PTPRD: variants seen among roughly 807,000 people sequenced by gnomAD.
PTPRD encodes the protein protein tyrosine phosphatase receptor type D.
A neutral mutation model predicts 214.5 loss-of-function variants in PTPRD; 34 were observed. The ratio of observed to expected loss-of-function variants is 0.16; its 90% confidence interval spans 0.12 to 0.21. The LOEUF is 0.21. Among genes scored for constraint, PTPRD ranks in the 10% least tolerant of loss-of-function variants. The probability of loss-of-function intolerance (pLI) is 1.00; values close to 1 mark genes in which losing one functional copy is unlikely to be tolerated. For missense variants in PTPRD, 2,545 were observed against 2,398.7 expected (o/e 1.06, Z -1.27); for synonymous variants, 1,128 against 845.7 (o/e 1.33, Z -5.79).
At chr9:9,082,610 T>C (rs1379062130) in intron 10 of PTPRD, among the ~76,000 whole-genome samples, 2 of 152,060 alleles carry the variant, frequency 1.3e-5, no homozygotes, top group Non-Finnish European at 2.9e-5. Context: ...GAAGTCAAAT[T>C]GTCTTTCTTT....
At chr9:9,069,418 G>A (rs1216374551) in intron 10 of PTPRD, among the ~76,000 whole-genome samples, 3 of 152,170 alleles carry the variant, frequency 2.0e-5, no homozygotes, top group Non-Finnish European at 4.4e-5. Flanking sequence ...GCTGGTTTGG[G>A]AAGAGAGAAA....
At chr9:9,992,257 A>G (rs1385785800) in intron 4 of PTPRD, among the ~76,000 whole-genome samples, 1 of 152,242 alleles carries the variant, frequency 6.6e-6, no homozygotes, top group African/African-American at 2.4e-5. Context: ...TTATATCTCA[A>G]TAAAGCTACT....
intron 3 of PTPRD, among the ~76,000 whole-genome samples, chr9:10,081,153 T>C (rs1232037309): frequency 1.3e-5 from 2 of 152,104 alleles, no homozygotes; most frequent in Non-Finnish European, 2.9e-5. Flanking sequence ...AGATAATTCT[T>C]TGAAATAAAT....
At chr9:8,668,515 G>C (rs1265212180) in intron 12 of PTPRD, among the ~76,000 whole-genome samples, 1 of 152,070 alleles carries the variant, frequency 6.6e-6, no homozygotes, top group African/African-American at 2.4e-5. Flanking sequence ...ATCTTACATA[G>C]AATAAGATAA....
At chr9:8,544,605 G>A (rs1405768371) in intron 14 of PTPRD, among the ~76,000 whole-genome samples, 1 of 151,416 alleles carries the variant, frequency 6.6e-6, no homozygotes, top group Non-Finnish European at 1.5e-5. Flanking sequence ...GAATAGCTGG[G>A]ATTACAGGCG....
intron 11 of PTPRD, among the ~76,000 whole-genome samples, chr9:8,801,171 A>G (rs1183633524): frequency 6.6e-6 from 1 of 152,192 alleles, no homozygotes; most frequent in Admixed American, 6.5e-5. Context: ...AACCTTCCAA[A>G]GGGTCACAAA....
intron 3 of PTPRD, among the ~76,000 whole-genome samples, chr9:10,296,116 T>C (rs945714874): frequency 4.6e-5 from 7 of 152,058 alleles, no homozygotes; most frequent in Admixed American, 4.6e-4. Context: ...ATAAAGATGA[T>C]TCAAAGTATA....
At chr9:9,663,483 T>C (rs1483402350) in intron 7 of PTPRD, among the ~76,000 whole-genome samples, 6 of 151,540 alleles carry the variant, frequency 4.0e-5, no homozygotes, top group Admixed American at 4.0e-4. Context: ...TCCACTTCAC[T>C]TTTTTGTCTG....
At chr9:10,269,587 C>G (rs1484302131) in intron 3 of PTPRD, among the ~76,000 whole-genome samples, 1 of 152,042 alleles carries the variant, frequency 6.6e-6, no homozygotes, top group Non-Finnish European at 1.5e-5. Context: ...CTGTAAGCTG[C>G]TTAAAGGCAA....
intron 6 of PTPRD, among the ~76,000 whole-genome samples, chr9:9,745,396 C>T (rs557971251): frequency 5.3e-5 from 8 of 152,040 alleles, no homozygotes; most frequent in African/African-American, 1.9e-4. Context: ...ACCAGAGAGG[C>T]AAGTAGCACA....
intron 3 of PTPRD, among the ~76,000 whole-genome samples, chr9:10,044,527 A>G (rs1223349843): frequency 6.6e-6 from 1 of 151,812 alleles, no homozygotes; most frequent in Non-Finnish European, 1.5e-5. Flanking sequence ...GTAGCCACAA[A>G]TACAGGGAAT....
intron 10 of PTPRD, among the ~76,000 whole-genome samples, chr9:9,055,132 ATTT>A (rs1037153485): frequency 6.6e-6 from 1 of 152,178 alleles, no homozygotes; most frequent in Non-Finnish European, 1.5e-5. Flanking sequence ...AAGTGACAAT[ATTT>A]TCTAGATGTA....
chr9:10,471,475 A>C (rs975624998), intron 2 of PTPRD, among the ~76,000 whole-genome samples: 1 of 152,036 alleles, frequency 6.6e-6, no homozygotes, highest in African/African-American at 2.4e-5. Flanking sequence ...TACTAGTTGT[A>C]GTTTAAGACT....
chr9:9,179,791 G>A (rs1180587056), intron 10 of PTPRD, among the ~76,000 whole-genome samples: 1 of 151,984 alleles, frequency 6.6e-6, no homozygotes, highest in African/African-American at 2.4e-5. Context: ...GGTCTCTGAA[G>A]TTTCACCTGG....
At chr9:8,573,148 T>C (rs988559800) in intron 14 of PTPRD, among the ~76,000 whole-genome samples, 1 of 151,992 alleles carries the variant, frequency 6.6e-6, no homozygotes, top group Non-Finnish European at 1.5e-5. Context: ...TTGCTACTTC[T>C]AAAGCCCTAG....
chr9:8,549,433 G>C (rs1406388328), intron 14 of PTPRD, among the ~76,000 whole-genome samples: 1 of 152,184 alleles, frequency 6.6e-6, no homozygotes, highest in Non-Finnish European at 1.5e-5. Context: ...CATGCAGATG[G>C]ATGAGATGAC....
intron 9 of PTPRD, among the ~76,000 whole-genome samples, chr9:9,211,027 T>C (rs1156748731): frequency 6.6e-6 from 1 of 152,148 alleles, no homozygotes; most frequent in East Asian, 1.9e-4. Flanking sequence ...TAATGTTTGC[T>C]TAAAGAGCAT....
At chr9:8,932,226 C>G (rs968386456) in intron 11 of PTPRD, among the ~76,000 whole-genome samples, 3 of 152,046 alleles carry the variant, frequency 2.0e-5, no homozygotes, top group Admixed American at 6.6e-5. Flanking sequence ...GCTCTTGCCT[C>G]TCTAGTTCTT....
At chr9:10,147,182 A>G (rs1476970700) in intron 3 of PTPRD, among the ~76,000 whole-genome samples, 1 of 152,188 alleles carries the variant, frequency 6.6e-6, no homozygotes, top group Non-Finnish European at 1.5e-5. Context: ...CGTGCAGTGC[A>G]AAGTGGACTG....
Sources: gnomAD v4.1 joint callset for allele counts (sites outside exome capture counted in the v4.1 genomes callset) on GRCh38, gnomAD v4.1.1 for gene constraint, MANE v1.5 for transcripts, NCBI Gene and HGNC (gene_info 2026-07-23, HGNC 2026-07-21) for gene names.